The following TMEM163 variants were observed in gnomAD, a reference collection of about 807,000 sequenced individuals.
TMEM163 encodes transmembrane protein 163.
TMEM163 carries 17 observed loss-of-function variants against 29.3 expected under a neutral mutation model. The ratio of observed to expected loss-of-function variants is 0.58; its 90% confidence interval spans 0.40 to 0.87. TMEM163 has a LOEUF of 0.87. TMEM163 is among the 40% of genes least tolerant of loss of function. The probability of loss-of-function intolerance (pLI) is 0.00; values close to 1 mark genes in which losing one functional copy is unlikely to be tolerated. For synonymous variants in TMEM163, 157 were observed against 160.6 expected (o/e 0.98, Z 0.17); for missense variants, 303 against 381.5 (o/e 0.79, Z 1.71).
At chr2:134,625,398 C>T (rs1339293309) in intron 2 of TMEM163, among the ~76,000 whole-genome samples, 1 of 152,210 alleles carries the variant, frequency 6.6e-6, no homozygotes, top group African/African-American at 2.4e-5. Context: ...CCTAGAACTA[C>T]ATGGAGCCAT....
intron 2 of TMEM163, among the ~76,000 whole-genome samples, chr2:134,648,194 G>C (rs1335106249): frequency 6.6e-6 from 1 of 152,134 alleles, no homozygotes; most frequent in Non-Finnish European, 1.5e-5. Flanking sequence ...CCAGAGTCTG[G>C]CCATCCCCAG....
intron 2 of TMEM163, among the ~76,000 whole-genome samples, chr2:134,605,168 CTT>C (rs1169440257): frequency 1.4e-5 from 2 of 147,720 alleles, no homozygotes; most frequent in African/African-American, 5.0e-5. Flanking sequence ...CAGAGTGAGA[CTT>C]GGTCTCCAGC....
At chr2:134,658,621 C>G (rs752489247) in intron 2 of TMEM163, among the ~76,000 whole-genome samples, 1 of 151,438 alleles carries the variant, frequency 6.6e-6, no homozygotes, top group African/African-American at 2.4e-5. Context: ...TTTTTGAGAC[C>G]GAGTCTCACT....
intron 5 of TMEM163, among the ~76,000 whole-genome samples, chr2:134,480,886 G>T (rs1240236183): frequency 1.3e-5 from 2 of 152,202 alleles, no homozygotes; most frequent in Non-Finnish European, 2.9e-5. Flanking sequence ...TAAAGGTACA[G>T]ATTTTAAATG....
intron 2 of TMEM163, among the ~76,000 whole-genome samples, chr2:134,687,678 T>A (rs1329066308): frequency 6.6e-6 from 1 of 152,142 alleles, no homozygotes; most frequent in Non-Finnish European, 1.5e-5. Flanking sequence ...GGTTAATTCA[T>A]TATAAATCAC....
At chr2:134,522,889 T>C (rs946411080) in intron 4 of TMEM163, among the ~76,000 whole-genome samples, 2 of 152,200 alleles carry the variant, frequency 1.3e-5, no homozygotes, top group African/African-American at 2.4e-5. Flanking sequence ...CCCTTGCATG[T>C]TGAAAGAAAA....
intron 3 of TMEM163, among the ~76,000 whole-genome samples, chr2:134,551,655 C>G (rs1163130167): frequency 6.6e-6 from 1 of 152,206 alleles, no homozygotes; most frequent in Non-Finnish European, 1.5e-5. Context: ...TTACCCCTAG[C>G]TGGCTACAGA....
chr2:134,549,906 G>T (rs1012133037), intron 4 of TMEM163, among the ~76,000 whole-genome samples: 13 of 152,146 alleles, frequency 8.5e-5, no homozygotes, highest in African/African-American at 2.9e-4. Flanking sequence ...CTACGAAAGA[G>T]GAATTGTCTT....
intron 2 of TMEM163, among the ~76,000 whole-genome samples, chr2:134,635,123 G>A (rs1229359645): frequency 6.6e-6 from 1 of 152,158 alleles, no homozygotes; most frequent in Non-Finnish European, 1.5e-5. Flanking sequence ...AAAATAACAA[G>A]CAAGTTAAAG....
Position 134,456,602 on chromosome 2 carries a change from A to G in TMEM163, c.*114T>C. On this transcript the variant is annotated 3_prime_UTR_variant, in exon 8 of 8. Coordinates refer to ENST00000281924, the MANE Select transcript of TMEM163 (RefSeq NM_030923.5). Reference sequence around the variant, plus strand: ...GGGCAGACCTTGTCTTGTAATGACAAACCATGTGAAAGAAAACTTCCAAAA... The same window carrying G: ...GGGCAGACCTTGTCTTGTAATGACAGACCATGTGAAAGAAAACTTCCAAAA... The G allele has an allele frequency of 7.7e-7, 1 of 1,295,230 alleles. No individual in the cohort carries two copies. Among genetic ancestry groups the G allele is most frequent in the Non-Finnish European group, 1.1e-6 (1 of 918,372 alleles). The allele number at this position is 1,295,230 out of a possible 1,614,324, so 80.2% of individuals were successfully genotyped here. A position where few individuals can be genotyped will look rare whatever the true frequency, so the allele number is the denominator to read the frequency against.
chr2:134,519,534 A>G (rs1202222256), intron 4 of TMEM163, among the ~76,000 whole-genome samples: 1 of 151,886 alleles, frequency 6.6e-6, no homozygotes, highest in African/African-American at 2.4e-5. Flanking sequence ...ACACAGTGAA[A>G]CCCCGTCTCT....
chr2:134,544,855 A>G (rs1680745714), intron 4 of TMEM163, among the ~76,000 whole-genome samples: 2 of 152,130 alleles, frequency 1.3e-5, no homozygotes, highest in Admixed American at 6.5e-5. Context: ...CAAGTACCCA[A>G]TGACCACATG....
chr2:134,512,545 G>C lies in TMEM163; in HGVS notation c.459-9548C>G, dbSNP rs549308924. Among the ~76,000 whole-genome samples, 3 of 152,348 alleles carry C rather than the reference G, an allele frequency of 2.0e-5. No individual in the cohort carries two copies. The East Asian group carries it at 5.8e-4, about 29-fold the overall frequency. ...TTAACTTGATAAAGAGGAGTGAAAA[G>C]TATGTTCCAGGGAAAAGGAAGGCAA... is the stretch of plus-strand genomic sequence containing the variant. On this transcript the variant is annotated intron_variant, in intron 4 of 7. Coordinates refer to ENST00000281924, the MANE Select transcript of TMEM163 (RefSeq NM_030923.5).
At chr2:134,475,455 C>T (rs1271720075) in intron 5 of TMEM163, among the ~76,000 whole-genome samples, 1 of 151,714 alleles carries the variant, frequency 6.6e-6, no homozygotes, top group African/African-American at 2.4e-5. Flanking sequence ...TTTCCTATGA[C>T]AAAAAACAAG....
intron 2 of TMEM163, among the ~76,000 whole-genome samples, chr2:134,589,103 T>C (rs952889780): frequency 1.3e-5 from 2 of 152,116 alleles, no homozygotes; most frequent in African/African-American, 4.8e-5. Context: ...GGTCATGACA[T>C]CCAGAAGTGA....
intron 2 of TMEM163, among the ~76,000 whole-genome samples, chr2:134,657,062 G>A (rs1683637127): frequency 6.7e-6 from 1 of 149,522 alleles, no homozygotes; most frequent in Non-Finnish European, 1.5e-5. Context: ...AACTTTTTTT[G>A]TTGTGTCTTT....
At chr2:134,548,864 T>A (rs1486183898) in intron 4 of TMEM163, among the ~76,000 whole-genome samples, 1 of 152,226 alleles carries the variant, frequency 6.6e-6, no homozygotes, top group African/African-American at 2.4e-5. Flanking sequence ...ACCAGTCACA[T>A]GAGGTCAGGT....
chr2:134,532,386 T>G (rs1680435056), intron 4 of TMEM163, among the ~76,000 whole-genome samples: 2 of 152,190 alleles, frequency 1.3e-5, no homozygotes, highest in African/African-American at 4.8e-5. Context: ...TGAACTGTCT[T>G]AGGGATTGGG....
At chr2:134,630,372 C>A (rs1425343331) in intron 2 of TMEM163, among the ~76,000 whole-genome samples, 2 of 131,910 alleles carry the variant, frequency 1.5e-5, no homozygotes, top group African/African-American at 2.8e-5. Context: ...AAAAAAAAAA[C>A]TCTAAATAAT....
Sources: gnomAD v4.1 joint callset for allele counts (sites outside exome capture counted in the v4.1 genomes callset) on GRCh38, gnomAD v4.1.1 for gene constraint, MANE v1.5 for transcripts, NCBI Gene and HGNC (gene_info 2026-07-23, HGNC 2026-07-21) for gene names.